The following PLAAT1 variants were observed in gnomAD, a reference collection of about 807,000 sequenced individuals.
PLAAT1 encodes phospholipase A and acyltransferase 1.
In PLAAT1, 13 loss-of-function variants were observed where a neutral mutation model predicts 16.4. That is an observed-to-expected ratio of 0.79 (90% CI 0.52 to 1.26). The LOEUF (loss-of-function observed/expected upper bound fraction) is 1.26, where lower values mean the gene tolerates loss of function less well. PLAAT1 is among the 50% of genes most tolerant of loss of function. The pLI is 0.00. For missense variants in PLAAT1, 218 were observed against 207.8 expected, an observed-to-expected ratio of 1.05 and a Z score of -0.30; for synonymous variants, 73 against 78.4, an observed-to-expected ratio of 0.93 and a Z score of 0.36.
chr3:193,269,838 C>G (rs1716922546), intron 3 of PLAAT1, among the ~76,000 whole-genome samples: 1 of 152,154 alleles, frequency 6.6e-6, no homozygotes, highest in Non-Finnish European at 1.5e-5. Flanking sequence ...CTCTCATCAT[C>G]ATGATGATTA....
Position 193,256,983 on chromosome 3 carries a change from G to A in PLAAT1, c.139+1194G>A, listed in dbSNP as rs557181339. 1.6e-4 allele frequency among the ~76,000 whole-genome samples: 24 copies of A among 152,198 alleles called. No homozygotes were observed. The South Asian group carries it at 2.5e-3, about 16-fold the overall frequency. ...CTGCAGAAAGAGCTGAGGTGGTGCC[G>A]GCCTCAGAGATGCCTATATTTAGGG... On this transcript the variant is annotated intron_variant, in intron 2 of 3. Transcript: ENST00000264735.
chr3:193,257,569 CTA>C (rs772572144), intron 2 of PLAAT1, among the ~76,000 whole-genome samples: 1 of 152,098 alleles, frequency 6.6e-6, no homozygotes, highest in Non-Finnish European at 1.5e-5. Flanking sequence ...TTTCTCAAAA[CTA>C]TACAAAAACA....
chr3:193,275,973 C>A (rs13084990), intron 2 of PLAAT1, among the ~76,000 whole-genome samples: 66,543 of 151,914 alleles, frequency 0.44, 15,317 homozygotes, highest in Admixed American at 0.53. Context: ...GCTATTTAAA[C>A]AAACAGCATC....
chr3:193,248,322 T>A (rs1716058247), intron 1 of PLAAT1, among the ~76,000 whole-genome samples: 1 of 150,062 alleles, frequency 6.7e-6, no homozygotes, highest in African/African-American at 2.5e-5. Context: ...GAAGTTAATC[T>A]ATTGTAGGCA....
chr3:193,264,956 A>G (rs535112249), intron 3 of PLAAT1, among the ~76,000 whole-genome samples: 10 of 152,368 alleles, frequency 6.6e-5, no homozygotes, highest in East Asian at 1.9e-4. Context: ...CAAAGCCACA[A>G]TGAGATTTCG....
intron 1 of PLAAT1, among the ~76,000 whole-genome samples, chr3:193,250,243 A>G (rs921215000): frequency 2.0e-5 from 3 of 152,096 alleles, no homozygotes; most frequent in African/African-American, 7.2e-5. Flanking sequence ...ACCCAAATTA[A>G]AGTTTCAAGT....
chr3:193,255,617 A>G (rs1358726557), intron 1 of PLAAT1, 34 bp from the exon 2 acceptor site: 5 of 1,567,280 alleles, frequency 3.2e-6, no homozygotes, highest in Non-Finnish European at 1.7e-6. Context: ...GGCAAGTTGT[A>G]TTAGCTAGCT....
At chr3:193,246,552 A>G (rs113837627) in intron 1 of PLAAT1, among the ~76,000 whole-genome samples, 10 of 152,006 alleles carry the variant, frequency 6.6e-5, no homozygotes, top group African/African-American at 2.4e-4. Context: ...TGTAGAGATG[A>G]GGTTTAGCCA....
chr3:193,253,172 A>G lies in PLAAT1; in HGVS notation c.1-2479A>G, dbSNP rs962376518. ...GCTATGATTCTAAGTGTTCAGTATC[A>G]TAACTCACTTTTTAAGTTGCATATT... On this transcript the variant is annotated intron_variant, in intron 1 of 3. Transcript: ENST00000264735. 4.6e-5 allele frequency among the ~76,000 whole-genome samples: 7 copies of G among 152,214 alleles called. No individual in the cohort carries two copies. The East Asian group carries it at 1.3e-3, about 29-fold the overall frequency.
At position 193,263,171 on chromosome 3, in the gene PLAAT1, T is replaced by TA. The variant is rs759740501; in HGVS notation, c.342dup (p.Leu115ThrfsTer6). On this transcript the variant is annotated frameshift_variant, in exon 3 of 4. Coordinates refer to ENST00000264735, the MANE Select transcript of PLAAT1 (RefSeq NM_020386.5). LOFTEE classifies it high-confidence loss of function. Reference sequence around the variant, plus strand: ...ATTGGACAGGAGGTGGCCTATAACTTACTTGTCAACAACTGTGAACATTTT... The same window carrying TA: ...ATTGGACAGGAGGTGGCCTATAACTTAACTTGTCAACAACTGTGAACATTTT... 6 of 1,614,010 alleles carry TA rather than the reference T, an allele frequency of 3.7e-6. No individual in the cohort carries two copies. Among genetic ancestry groups the TA allele is most frequent in the African/African-American group, 2.7e-5 (2 of 74,908 alleles).
chr3:193,255,882 C>T (rs920311197), intron 2 of PLAAT1, 93 bp downstream of exon 2: 31 of 1,149,108 alleles, frequency 2.7e-5, no homozygotes, highest in Admixed American at 1.4e-4. Flanking sequence ...AAAACAAAAT[C>T]GAAATAAAAT....
downstream of PLAAT1, among the ~76,000 whole-genome samples, chr3:193,278,861 G>A (rs1418280367): frequency 6.6e-6 from 1 of 152,090 alleles, no homozygotes; most frequent in Non-Finnish European, 1.5e-5. Context: ...ACAATACGGG[G>A]TCCAAGAATT....
At chr3:193,264,740 C>T (rs1476661988) in intron 3 of PLAAT1, among the ~76,000 whole-genome samples, 1 of 152,160 alleles carries the variant, frequency 6.6e-6, no homozygotes, top group Non-Finnish European at 1.5e-5. Flanking sequence ...GTCTCAAACT[C>T]CTGACCTCGT....
In PLAAT1 at chr3:193,270,680, A is replaced by C. The variant is rs753793421; in HGVS notation, c.482A>C (p.Lys161Thr). ...GVFSFLGLFP[K>T]GQRAKYY is the part of the protein sequence containing the mutation. ...TTCTCATTCCTGGGCTTGTTTCCAA[A>C]AGGACAAAGAGCAAAATACTATTAA... Residue 161 changes from lysine (K) to threonine (T), a missense_variant, in exon 4 of 4, where the codon AAA becomes ACA. By Grantham distance (78) the Lys-to-Thr change is moderately conservative. Coordinates refer to ENST00000264735, the MANE Select transcript of PLAAT1 (RefSeq NM_020386.5). 2.5e-6 allele frequency: 4 copies of C among 1,613,592 alleles called. No individual in the cohort carries two copies. Among genetic ancestry groups the C allele is most frequent in the Non-Finnish European group, 3.4e-6 (4 of 1,179,618 alleles).
At chr3:193,241,137 CGG>C (rs1715714691), upstream of PLAAT1, 7 of 945,064 alleles carry the variant, frequency 7.4e-6, no homozygotes, top group East Asian at 2.0e-4. Flanking sequence ...GGCGGGCGGG[CGG>C]GCGAAGCTGG....
Position 193,270,843 on chromosome 3 carries a change from T to A in PLAAT1, c.*138T>A. 7.4e-7 allele frequency: 1 copy of A among 1,349,176 alleles called. No homozygotes were observed. Among genetic ancestry groups the A allele is most frequent in the Non-Finnish European group, 9.5e-7 (1 of 1,048,126 alleles). The allele number at this position is 1,349,176 out of a possible 1,614,324, so 83.6% of individuals were successfully genotyped here. A position where few individuals can be genotyped will look rare whatever the true frequency, so the allele number is the denominator to read the frequency against. ...GCAGACTCTTTAATAAATTGCTTAC[T>A]GATATTATCTTATCATTGAGCCAAT... On this transcript the variant is annotated 3_prime_UTR_variant, in exon 4 of 4. Transcript: ENST00000264735.
chr3:193,272,468 A>C (rs1717013140), downstream of PLAAT1, among the ~76,000 whole-genome samples: 1 of 151,210 alleles, frequency 6.6e-6, no homozygotes, highest in Non-Finnish European at 1.5e-5. Context: ...AACAAAACAA[A>C]AAAACCCAGT....
intron 3 of PLAAT1, among the ~76,000 whole-genome samples, chr3:193,265,685 T>C (rs1258898880): frequency 2.6e-5 from 4 of 152,118 alleles, no homozygotes; most frequent in South Asian, 2.1e-4. Context: ...AAATGGGAGA[T>C]AGAACATAAT....
intron 2 of PLAAT1, 42 bp from the exon 3 acceptor site, chr3:193,262,928 A>T (rs1267721622): frequency 6.3e-7 from 1 of 1,599,928 alleles, no homozygotes; most frequent in Admixed American, 1.7e-5. Context: ...AGTTCATTGG[A>T]CTGGGTCACT....
Sources: allele counts gnomAD v4.1 joint callset (sites outside exome capture counted in the v4.1 genomes callset), GRCh38; gene constraint gnomAD v4.1.1; transcripts MANE v1.5; gene names NCBI Gene and HGNC (gene_info 2026-07-23, HGNC 2026-07-21).